The following SYNDIG1L variants were observed in gnomAD, a reference collection of about 807,000 sequenced individuals.
SYNDIG1L encodes synapse differentiation inducing 1 like.
In SYNDIG1L, 13 loss-of-function variants were observed where a neutral mutation model predicts 20.1. That is an observed-to-expected ratio of 0.65 (90% CI 0.42 to 1.03). The LOEUF (loss-of-function observed/expected upper bound fraction) is 1.03, where lower values mean the gene tolerates loss of function less well. Ranked by LOEUF, SYNDIG1L falls within the 50% of genes least tolerant of loss-of-function variation. The pLI, the probability that SYNDIG1L is intolerant of heterozygous loss-of-function variation, is 0.00. For missense variants in SYNDIG1L, 294 were observed against 305.1 expected, an observed-to-expected ratio of 0.96 and a Z score of 0.27; for synonymous variants, 128 against 129.3, an observed-to-expected ratio of 0.99 and a Z score of 0.07.
the SYNDIG1L span, among the ~76,000 whole-genome samples, chr14:74,453,835 G>A: frequency 6.6e-6 from 1 of 151,870 alleles, no homozygotes; most frequent in Admixed American, 6.6e-5. Context: ...GTGTGGTGGT[G>A]CACACCTGTA....
upstream of SYNDIG1L, among the ~76,000 whole-genome samples, chr14:74,430,591 A>G (rs1306239506): frequency 6.6e-6 from 1 of 152,040 alleles, no homozygotes; most frequent in Non-Finnish European, 1.5e-5. Context: ...GTGTGCTACC[A>G]TACCTAGCTA....
At chr14:74,453,502 G>A in the SYNDIG1L span, among the ~76,000 whole-genome samples, 1 of 151,828 alleles carries the variant, frequency 6.6e-6, no homozygotes, top group East Asian at 1.9e-4. Flanking sequence ...GGGGAATGAT[G>A]AGTGTGTTTG....
At chr14:74,476,098 G>T in the SYNDIG1L span, 11 of 283,048 alleles carry the variant, frequency 3.9e-5, no homozygotes, top group East Asian at 8.5e-4. Context: ...CAAGCATTGT[G>T]TGTGTACACT....
At chr14:74,412,396 C>T (rs1270725835) in intron 1 of SYNDIG1L, among the ~76,000 whole-genome samples, 5 of 152,160 alleles carry the variant, frequency 3.3e-5, no homozygotes, top group East Asian at 1.9e-4. Flanking sequence ...TTGGGAGTCA[C>T]GTACACTGGG....
chr14:74,411,935 T>C (rs1010596896), intron 1 of SYNDIG1L, among the ~76,000 whole-genome samples: 1 of 152,202 alleles, frequency 6.6e-6, no homozygotes, highest in African/African-American at 2.4e-5. Flanking sequence ...CCGGAGATGC[T>C]GGGCTGCCAT....
chr14:74,447,441 G>A, the SYNDIG1L span, among the ~76,000 whole-genome samples: 1 of 152,118 alleles, frequency 6.6e-6, no homozygotes, highest in African/African-American at 2.4e-5. Context: ...ACAAAAATTA[G>A]CTGAGAGTGG....
chr14:74,457,187 G>A, the SYNDIG1L span, among the ~76,000 whole-genome samples: 47 of 152,066 alleles, frequency 3.1e-4, no homozygotes, highest in South Asian at 9.6e-3. Flanking sequence ...GTGCTGGGTC[G>A]ATGCCCTCTC....
At chr14:74,454,131 C>T in the SYNDIG1L span, among the ~76,000 whole-genome samples, 1 of 152,194 alleles carries the variant, frequency 6.6e-6, no homozygotes, top group Non-Finnish European at 1.5e-5. Flanking sequence ...TCAGATTTTT[C>T]TGACTCCGAA....
intron 1 of SYNDIG1L, among the ~76,000 whole-genome samples, chr14:74,417,846 TA>T (rs1202550595): frequency 1.3e-5 from 2 of 152,042 alleles, no homozygotes; most frequent in African/African-American, 2.4e-5. Flanking sequence ...ATGGGAGCGT[TA>T]AAAAAAGATT....
chr14:74,408,294 C>T (rs1489214485), intron 2 of SYNDIG1L, among the ~76,000 whole-genome samples: 4 of 152,122 alleles, frequency 2.6e-5, no homozygotes, highest in South Asian at 4.1e-4. Flanking sequence ...CCAGTCACAG[C>T]GGCTCACACC....
chr14:74,416,318 T>C (rs1268974727), intron 1 of SYNDIG1L, among the ~76,000 whole-genome samples: 1 of 152,180 alleles, frequency 6.6e-6, no homozygotes, highest in Non-Finnish European at 1.5e-5. Flanking sequence ...TTGTCATGTG[T>C]ATTATATCTC....
At chr14:74,437,556 G>A in the SYNDIG1L span, among the ~76,000 whole-genome samples, 1 of 152,098 alleles carries the variant, frequency 6.6e-6, no homozygotes, top group East Asian at 1.9e-4. Flanking sequence ...AGATTAGAAT[G>A]GCAAGGAAAC....
the SYNDIG1L span, among the ~76,000 whole-genome samples, chr14:74,473,341 T>C: frequency 6.6e-6 from 1 of 152,030 alleles, no homozygotes; most frequent in African/African-American, 2.4e-5. Context: ...GATGAGATCA[T>C]GCCACTGCAC....
chr14:74,450,487 T>C, the SYNDIG1L span, among the ~76,000 whole-genome samples: 1 of 152,314 alleles, frequency 6.6e-6, no homozygotes, highest in Admixed American at 6.5e-5. Context: ...TAATACATCA[T>C]GACTAAGTAG....
chr14:74,458,621 C>CA, the SYNDIG1L span, among the ~76,000 whole-genome samples: 2,845 of 79,582 alleles, frequency 0.036, 75 homozygotes, highest in Middle Eastern at 0.06. Flanking sequence ...GACTCCATCT[C>CA]AAAAAAAAAA....
intron 2 of SYNDIG1L, among the ~76,000 whole-genome samples, chr14:74,408,779 G>A (rs935210294): frequency 6.6e-6 from 1 of 152,052 alleles, no homozygotes; most frequent in East Asian, 1.9e-4. Context: ...CTGGGGAGTG[G>A]GCTGGGGGAA....
At chr14:74,460,313 C>T in the SYNDIG1L span, among the ~76,000 whole-genome samples, 1 of 152,030 alleles carries the variant, frequency 6.6e-6, no homozygotes, top group South Asian at 2.1e-4. Flanking sequence ...TCCCTATTAA[C>T]AGCTGCAAAC....
At chr14:74,440,108 G>A in the SYNDIG1L span, among the ~76,000 whole-genome samples, 2 of 151,700 alleles carry the variant, frequency 1.3e-5, no homozygotes, top group East Asian at 2.0e-4. Flanking sequence ...GGCTGGGCGC[G>A]GTGGCTCACG....
the SYNDIG1L span, among the ~76,000 whole-genome samples, chr14:74,445,205 C>T: frequency 6.6e-6 from 1 of 152,170 alleles, no homozygotes; most frequent in Non-Finnish European, 1.5e-5. Flanking sequence ...CGATTCTCTT[C>T]ACCTTCTGCC....
Sources: gnomAD v4.1 joint callset for allele counts (sites outside exome capture counted in the v4.1 genomes callset) on GRCh38, gnomAD v4.1.1 for gene constraint, MANE v1.5 for transcripts, NCBI Gene and HGNC (gene_info 2026-07-23, HGNC 2026-07-21) for gene names.